The following PNPLA7 variants were observed in gnomAD, a reference collection of about 807,000 sequenced individuals.
PNPLA7 encodes the protein patatin like domain 7, lysophospholipase, also known as patatin-like phospholipase domain-containing protein 7.
Under a neutral mutation model 161.7 loss-of-function variants are expected in PNPLA7, and 153 were observed. The ratio of observed to expected loss-of-function variants is 0.95; its 90% CI spans 0.83 to 1.08. The LOEUF is 1.08. Among genes scored for constraint, PNPLA7 ranks in the 50% least tolerant of loss-of-function variants. The pLI is 0.00. For missense variants in PNPLA7, 1,739 were observed against 1,856.6 expected, an observed-to-expected ratio of 0.94 and a Z score of 1.16; for synonymous variants, 809 against 782.1, an observed-to-expected ratio of 1.03 and a Z score of -0.57.
At position 137,500,676 on chromosome 9, in the gene PNPLA7, G is replaced by T. The variant is rs1476936662; in HGVS notation, c.1757+15C>A. 1.2e-6 allele frequency: 2 copies of T among 1,611,354 alleles called. No individual in the cohort carries two copies. The highest frequency in any genetic ancestry group is 2.2e-5 in the South Asian group (2 of 90,684). On this transcript the variant is annotated intron_variant, in intron 16 of 34. Transcript: ENST00000406427. This position sits in a 1 kb window ranked among gnomAD's most constrained non-coding sequence, Gnocchi z 5.5. ...GGCTGGGGCCCGCCCTGAGGTCCTGGCCCGTGGGACTCACTCATAGAAGTG... is the reference window on the plus strand; with the variant it reads ...GGCTGGGGCCCGCCCTGAGGTCCTGTCCCGTGGGACTCACTCATAGAAGTG...
chr9:137,462,861 C>T (rs566278578), intron 29 of PNPLA7, 28 bp from the exon 30 acceptor site: 1 of 1,611,630 alleles, frequency 6.2e-7, no homozygotes, highest in East Asian at 2.2e-5. Context: ...CTGGTTACCC[C>T]CTGGACAGGC....
At chr9:137,483,826 G>C (rs933142510) in intron 21 of PNPLA7, among the ~76,000 whole-genome samples, 1 of 152,080 alleles carries the variant, frequency 6.6e-6, no homozygotes, top group African/African-American at 2.4e-5. Context: ...TGAATGTATT[G>C]TTTTCTATTA....
intron 32 of PNPLA7, 132 bp downstream of exon 32, chr9:137,461,799 G>C (rs1295466646): frequency 8.3e-7 from 1 of 1,211,086 alleles, no homozygotes; most frequent in African/African-American, 1.5e-5. Context: ...CCTGGCCCTG[G>C]AGTCTTTGGC....
intron 8 of PNPLA7, among the ~76,000 whole-genome samples, chr9:137,526,135 C>T (rs904490849): frequency 3.3e-5 from 5 of 152,162 alleles, no homozygotes; most frequent in Non-Finnish European, 5.9e-5. Flanking sequence ...CTTTATTATA[C>T]TGTAACAGCT....
chr9:137,498,853 G>A (rs984384962), intron 16 of PNPLA7, among the ~76,000 whole-genome samples: 5 of 152,144 alleles, frequency 3.3e-5, no homozygotes, highest in Non-Finnish European at 2.9e-5. Flanking sequence ...TGAGAGTGAC[G>A]CCGGGCGACT....
chr9:137,502,260 G>A (rs563778378), intron 14 of PNPLA7, among the ~76,000 whole-genome samples: 1 of 152,168 alleles, frequency 6.6e-6, no homozygotes, highest in African/African-American at 2.4e-5. Context: ...GGGAGCGTCT[G>A]CGGGCACCAC....
At chr9:137,470,389 C>T (rs1831654294) in intron 25 of PNPLA7, among the ~76,000 whole-genome samples, 1 of 152,108 alleles carries the variant, frequency 6.6e-6, no homozygotes, top group Admixed American at 6.6e-5. Flanking sequence ...GTGAAACCAT[C>T]TGGATATGAA....
rs111672922 is a variant in PNPLA7, at chr9:137,480,185, T to A, written c.2580+127A>T. The A allele has an allele frequency of 1.7e-4, 227 of 1,313,308 alleles. 1 individual carries two copies. The African/African-American group carries it at 2.8e-3, about 16-fold the overall frequency. 81.4% of individuals were successfully genotyped at this position (1,313,308 alleles called of 1,614,324 possible). On this transcript the variant is annotated intron_variant, in intron 23 of 34. Transcript: ENST00000406427. The stretch of plus-strand genomic sequence containing the variant: ...GTTTTTAAAACATGGGTAGCAGATA[T>A]CTGAGTGTTGGCTCTTATCATCTGT...
Position 137,541,568 on chromosome 9 carries a change from T to C in PNPLA7, c.667-846A>G. 1 of 871,162 alleles carries C rather than the reference T, an allele frequency of 1.1e-6. No homozygotes were observed. The highest frequency in any genetic ancestry group is 1.4e-6 in the Non-Finnish European group (1 of 725,610). 54.0% of individuals were successfully genotyped at this position (871,162 alleles called of 1,614,324 possible). ...TGATGATCACACAAAGCCCAGGGTT[T>C]GCTGAGTGCGTGCTTTAAATGAGAA... is the stretch of plus-strand genomic sequence containing the variant. On this transcript the variant is annotated intron_variant, in intron 7 of 34. Coordinates refer to ENST00000406427, the MANE Select transcript of PNPLA7 (RefSeq NM_001098537.3). The surrounding 1 kb of genome is among the most constrained non-coding windows in gnomAD (Gnocchi z 4.4).
Position 137,492,875 on chromosome 9 carries a change from G to A in PNPLA7, c.2197+138C>T, listed in dbSNP as rs1832845979. On this transcript the variant is annotated intron_variant, in intron 20 of 34. Transcript: ENST00000406427. ...TGGGCAGGGCTTCATGACAGGGAAGGGCCATGGACTGGGTGGGCAGGGCTC... is the reference window on the plus strand; with the variant it reads ...TGGGCAGGGCTTCATGACAGGGAAGAGCCATGGACTGGGTGGGCAGGGCTC... The A allele has an allele frequency of 7.0e-6, 5 of 711,610 alleles. No homozygotes were observed. In the East Asian group the frequency reaches 8.3e-5, roughly 12 times the overall value. 44.1% of individuals were successfully genotyped at this position (711,610 alleles called of 1,614,324 possible). A position where few individuals can be genotyped will look rare whatever the true frequency, so the allele number is the denominator to read the frequency against.
At chr9:137,466,175 G>A (rs1831452506) in intron 26 of PNPLA7, among the ~76,000 whole-genome samples, 3 of 152,160 alleles carry the variant, frequency 2.0e-5, no homozygotes, top group Admixed American at 6.5e-5. Flanking sequence ...AGCTGCTCAC[G>A]CTGCCCTGCC....
chr9:137,491,819 C>G (rs1832777104), intron 20 of PNPLA7: 7 of 985,286 alleles, frequency 7.1e-6, no homozygotes, highest in Non-Finnish European at 8.4e-6. Context: ...CACGCCAATG[C>G]CAGAGGCAGG....
At chr9:137,478,394 T>G (rs1298441825) in intron 24 of PNPLA7, 9 of 324,522 alleles carry the variant, frequency 2.8e-5, no homozygotes, top group Admixed American at 5.0e-5. Flanking sequence ...GGCAAGAGAG[T>G]GGGCCCGGGT....
At position 137,541,516 on chromosome 9, in the gene PNPLA7, A is replaced by G; in HGVS notation, c.667-794T>C. ...GATCACAGCCCACTCCCGGGACCACAGCTGGCAGGAGCCCTGCAGGTCAGG... is the reference window on the plus strand; with the variant it reads ...GATCACAGCCCACTCCCGGGACCACGGCTGGCAGGAGCCCTGCAGGTCAGG... On this transcript the variant is annotated intron_variant, in intron 7 of 34. Coordinates refer to ENST00000406427, the MANE Select transcript of PNPLA7 (RefSeq NM_001098537.3). The surrounding 1 kb of genome is among the most constrained non-coding windows in gnomAD (Gnocchi z 4.4). The G allele has an allele frequency of 9.1e-6, 9 of 985,044 alleles. No individual in the cohort carries two copies. The highest frequency in any genetic ancestry group is 1.1e-5 in the Non-Finnish European group (9 of 829,524). The allele number at this position is 985,044 out of a possible 1,614,324, so 61.0% of individuals were successfully genotyped here.
In PNPLA7 at chr9:137,550,296, C is replaced by T; in HGVS notation, c.-99G>A. ...CTCATGCTCACACCTGGACACTTTT[C>T]CCTGGGTTCCTTTCAAGTCAAATTA... is the stretch of plus-strand genomic sequence containing the variant. On this transcript the variant is annotated 5_prime_UTR_variant, in exon 1 of 35. Transcript: ENST00000406427. 9.1e-6 allele frequency: 12 copies of T among 1,317,024 alleles called. No individual in the cohort carries two copies. The highest frequency in any genetic ancestry group is 1.3e-5 in the Non-Finnish European group (12 of 913,660). 81.6% of individuals were successfully genotyped at this position (1,317,024 alleles called of 1,614,324 possible). A position where few individuals can be genotyped will look rare whatever the true frequency, so the allele number is the denominator to read the frequency against.
chr9:137,529,656 G>GTTT (rs542511786), intron 8 of PNPLA7, among the ~76,000 whole-genome samples: 4 of 119,118 alleles, frequency 3.4e-5, no homozygotes, highest in Non-Finnish European at 5.2e-5. Flanking sequence ...TTGAATCTTT[G>GTTT]TTTTTTTTTT....
At chr9:137,472,621 A>G (rs1831757915) in intron 25 of PNPLA7, among the ~76,000 whole-genome samples, 1 of 143,290 alleles carries the variant, frequency 7.0e-6, no homozygotes, top group South Asian at 2.2e-4. Flanking sequence ...GTTGCACTCC[A>G]GCCTGGGTGA....
At chr9:137,545,949 G>T (rs1340138669) in intron 4 of PNPLA7, among the ~76,000 whole-genome samples, 1 of 152,010 alleles carries the variant, frequency 6.6e-6, no homozygotes, top group Non-Finnish European at 1.5e-5. Flanking sequence ...TTCCCCAGGG[G>T]AGTTCAGAGA....
In PNPLA7 at chr9:137,493,080, C is replaced by T; in HGVS notation, c.2130G>A (p.Val710=). ...CCAAGAGATGAATCAGCCGAGTCAC[C>T]ACCTGCGGGCAGACACAGGAGCCAA... The part of the protein sequence containing the change: ...LTSIKRRYPQ[V]VTRLIHLLGE... The change falls in exon 20 of 35, where the codon GTG becomes GTA. Residue 710 remains valine, a splice_region_variant and synonymous_variant. Coordinates refer to ENST00000406427, the MANE Select transcript of PNPLA7 (RefSeq NM_001098537.3). The T allele has an allele frequency of 6.2e-7, 1 of 1,613,864 alleles. No homozygotes were observed. The highest frequency in any genetic ancestry group is 8.5e-7 in the Non-Finnish European group (1 of 1,179,988).
Sources: gnomAD v4.1 joint callset for allele counts (sites outside exome capture counted in the v4.1 genomes callset) on GRCh38, gnomAD v4.1.1 for gene constraint, Gnocchi (gnomAD v3.1) non-coding constraint, MANE v1.5 for transcripts, NCBI Gene and HGNC (gene_info 2026-07-23, HGNC 2026-07-21) for gene names.